The following CTNND2 variants were observed in gnomAD, a reference collection of about 807,000 sequenced individuals.
CTNND2 encodes catenin delta-2.
A neutral mutation model predicts 144.4 loss-of-function variants in CTNND2; 22 were observed. The observed-to-expected ratio is 0.15, with a 90% CI of 0.11 to 0.22. The LOEUF (loss-of-function observed/expected upper bound fraction) is 0.22, where lower values mean the gene tolerates loss of function less well. Among genes scored for constraint, CTNND2 ranks in the 10% least tolerant of loss-of-function variants. The pLI is 1.00. For synonymous variants in CTNND2, 751 were observed against 695.6 expected (o/e 1.08, Z -1.25); for missense variants, 1,353 against 1,618.8 (o/e 0.84, Z 2.82).
At chr5:11,537,001 A>T (rs1247675715) in intron 3 of CTNND2, among the ~76,000 whole-genome samples, 2 of 152,070 alleles carry the variant, frequency 1.3e-5, no homozygotes, top group African/African-American at 4.8e-5. Flanking sequence ...TTAGAATACA[A>T]GTTCTTGTGT....
intron 11 of CTNND2, among the ~76,000 whole-genome samples, chr5:11,181,943 T>TG (rs1176970277): frequency 1.9e-4 from 27 of 139,932 alleles, no homozygotes; most frequent in Admixed American, 8.5e-4. Context: ...GGTGTGTGTG[T>TG]GGGGGGGTGC....
At chr5:11,813,362 G>A (rs911164328) in intron 1 of CTNND2, among the ~76,000 whole-genome samples, 6 of 152,100 alleles carry the variant, frequency 3.9e-5, no homozygotes, top group East Asian at 3.9e-4. Context: ...ACAGTCTTCC[G>A]GAACAAAGTG....
At chr5:11,742,019 T>G (rs376540916) in intron 1 of CTNND2, among the ~76,000 whole-genome samples, 6 of 150,820 alleles carry the variant, frequency 4.0e-5, no homozygotes, top group East Asian at 2.0e-4. Flanking sequence ...AAAGGCATAA[T>G]AATAATACAA....
In CTNND2 at chr5:11,346,386, A is replaced by G. The variant is rs377598149; in HGVS notation, c.1614T>C (p.Ile538=). The G allele has an allele frequency of 9.6e-6, 14 of 1,463,668 alleles. No individual in the cohort carries two copies. The highest frequency in any genetic ancestry group is 1.3e-5 in the Non-Finnish European group (14 of 1,103,106). The allele number at this position is 1,463,668 out of a possible 1,614,324, so 90.7% of individuals were successfully genotyped here. ...TLARSPSIDS[I]QKDPREFGWR... ...TTTTTACCCACCTGGGATCTTTCTG[A>G]ATGCTATCAATGGACGGGGACCTGG... The change falls in exon 9 of 22, where the codon ATT becomes ATC. Residue 538 remains isoleucine (I), a synonymous_variant. Transcript: ENST00000304623.
intron 3 of CTNND2, among the ~76,000 whole-genome samples, chr5:11,433,886 G>A (rs1763523536): frequency 6.6e-6 from 1 of 152,158 alleles, no homozygotes; most frequent in Non-Finnish European, 1.5e-5. Context: ...GTGTAAAACT[G>A]CCCAACTACT....
chr5:11,825,083 C>T (rs1365315259), intron 1 of CTNND2, among the ~76,000 whole-genome samples: 1 of 151,938 alleles, frequency 6.6e-6, no homozygotes, highest in Non-Finnish European at 1.5e-5. Context: ...TTTGATTTTG[C>T]TGTTCTTCCA....
At chr5:11,203,940 GACT>G (rs1737778251) in intron 10 of CTNND2, among the ~76,000 whole-genome samples, 1 of 152,142 alleles carries the variant, frequency 6.6e-6, no homozygotes, top group African/African-American at 2.4e-5. Context: ...GACCAGAAGG[GACT>G]TTTCATACTT....
intron 3 of CTNND2, among the ~76,000 whole-genome samples, chr5:11,541,709 T>A (rs1433685778): frequency 1.3e-5 from 2 of 152,154 alleles, no homozygotes. Context: ...CTGTTTTATT[T>A]GCCCACAATA....
chr5:11,361,112 C>T (rs1022555670), intron 8 of CTNND2, among the ~76,000 whole-genome samples: 1 of 152,178 alleles, frequency 6.6e-6, no homozygotes, highest in Middle Eastern at 3.2e-3. Flanking sequence ...CCTCCATCTC[C>T]TGGCTTCAAG....
intron 12 of CTNND2, among the ~76,000 whole-genome samples, chr5:11,122,501 G>A (rs1408129950): frequency 2.6e-5 from 4 of 151,770 alleles, no homozygotes; most frequent in Non-Finnish European, 5.9e-5. Flanking sequence ...GGCCTTCAGG[G>A]TCTGGACTCC....
At chr5:11,502,027 CAAAAAA>C (rs547364682) in intron 3 of CTNND2, among the ~76,000 whole-genome samples, 1 of 57,240 alleles carries the variant, frequency 1.7e-5, no homozygotes, top group Admixed American at 2.4e-4. Flanking sequence ...GACTCCATCT[CAAAAAA>C]AAAAAAAAAA....
intron 18 of CTNND2, among the ~76,000 whole-genome samples, chr5:11,012,752 A>G (rs2149526255): frequency 6.6e-6 from 1 of 152,336 alleles, no homozygotes; most frequent in East Asian, 1.9e-4. Flanking sequence ...TGAGCCTTTC[A>G]GACACCAATG....
intron 3 of CTNND2, among the ~76,000 whole-genome samples, chr5:11,477,293 C>A (rs1406275019): frequency 6.6e-6 from 1 of 151,852 alleles, no homozygotes; most frequent in Non-Finnish European, 1.5e-5. Flanking sequence ...TTTTTAACAA[C>A]CATATGATGG....
chr5:11,357,421 T>C (rs1328402244), intron 8 of CTNND2, among the ~76,000 whole-genome samples: 2 of 151,772 alleles, frequency 1.3e-5, no homozygotes, highest in East Asian at 3.9e-4. Context: ...AGTAAACTAA[T>C]CCAGGCACAG....
chr5:11,774,281 C>T (rs970440198), intron 1 of CTNND2, among the ~76,000 whole-genome samples: 2 of 151,624 alleles, frequency 1.3e-5, no homozygotes, highest in Admixed American at 6.6e-5. Flanking sequence ...CTACAAAGGA[C>T]ATGAACTCAT....
intron 12 of CTNND2, among the ~76,000 whole-genome samples, chr5:11,126,192 T>C (rs915052837): frequency 1.3e-5 from 2 of 152,100 alleles, no homozygotes; most frequent in Non-Finnish European, 2.9e-5. Context: ...TCCCAGCTAC[T>C]TGGGAGGCTG....
At chr5:11,389,828 T>C (rs1759469484) in intron 6 of CTNND2, among the ~76,000 whole-genome samples, 1 of 141,980 alleles carries the variant, frequency 7.0e-6, no homozygotes, top group Non-Finnish European at 1.6e-5. Context: ...ATTCTACACC[T>C]GACACCTTTG....
At chr5:11,197,839 G>A (rs2149824848) in intron 11 of CTNND2, among the ~76,000 whole-genome samples, 1 of 152,282 alleles carries the variant, frequency 6.6e-6, no homozygotes, top group South Asian at 2.1e-4. Flanking sequence ...AGTTTTTCTG[G>A]CAATCAGGGA....
intron 18 of CTNND2, among the ~76,000 whole-genome samples, chr5:11,007,493 G>GCTAA (rs1201583597): frequency 6.6e-6 from 1 of 152,182 alleles, no homozygotes; most frequent in Admixed American, 6.5e-5. Context: ...AGGACACGTG[G>GCTAA]CAACAACAAG....
Sources: gnomAD v4.1 joint callset for allele counts (sites outside exome capture counted in the v4.1 genomes callset) on GRCh38, gnomAD v4.1.1 for gene constraint, MANE v1.5 for transcripts, NCBI Gene and HGNC (gene_info 2026-07-23, HGNC 2026-07-21) for gene names.